COL6A5: variants seen among roughly 807,000 people sequenced by gnomAD.
The protein encoded by COL6A5 is collagen alpha-5(VI) chain.
COL6A5 carries 48 observed loss-of-function variants against 65.6 expected under a neutral mutation model. That is an observed-to-expected ratio of 0.73 (90% CI 0.58 to 0.93). The LOEUF is 0.93. COL6A5 is among the 40% of genes least tolerant of loss of function. The probability of loss-of-function intolerance (pLI) is 0.00; values close to 1 mark genes in which losing one functional copy is unlikely to be tolerated. For missense variants in COL6A5, 914 were observed against 928.3 expected, an observed-to-expected ratio of 0.98 and a Z score of 0.20; for synonymous variants, 291 against 322.8, an observed-to-expected ratio of 0.90 and a Z score of 1.05.
chr3:130,385,410 C>T (rs1936153393), intron 5 of COL6A5, 46 bp downstream of exon 5: 3 of 1,505,438 alleles, frequency 2.0e-6, no homozygotes, highest in Admixed American at 2.2e-5. Flanking sequence ...TCATCAATTG[C>T]TTTAGGCAGA....
At chr3:130,385,072 A>G in exon 5 of COL6A5, 1 of 1,551,010 alleles carries the variant, frequency 6.4e-7, no homozygotes, top group South Asian at 1.2e-5. Flanking sequence ...ATACTGGGAA[A>G]GCTCTGGATT....
chr3:130,449,885 A>G (rs1709393360), intron 4 of COL6A5, among the ~76,000 whole-genome samples: 1 of 152,166 alleles, frequency 6.6e-6, no homozygotes, highest in Non-Finnish European at 1.5e-5. Flanking sequence ...ATGAATGGTG[A>G]TTCCTTTAGC....
At chr3:130,413,371 G>T (rs974610855) in intron 20 of COL6A5, among the ~76,000 whole-genome samples, 174 bp from the exon 21 acceptor site, 4 of 151,838 alleles carry the variant, frequency 2.6e-5, no homozygotes, top group Non-Finnish European at 5.9e-5. Context: ...CCAAATGTTA[G>T]TCTCTAATTA....
exon 9 of COL6A5, chr3:130,397,656 C>T (rs1465853256): frequency 1.9e-6 from 3 of 1,551,546 alleles, no homozygotes; most frequent in Non-Finnish European, 2.6e-6. Flanking sequence ...TCCAGGGCCA[C>T]CCCCAGCTGG....
At chr3:130,477,296 A>G (rs1710123340) in intron 7 of COL6A5, 1 of 458,208 alleles carries the variant, frequency 2.2e-6, no homozygotes, top group African/African-American at 2.0e-5. Context: ...TCTAAGTTTG[A>G]TCATCTATTT....
chr3:130,410,365 T>C (rs1184959873), intron 19 of COL6A5, 106 bp from the exon 20 acceptor site: 2 of 797,690 alleles, frequency 2.5e-6, no homozygotes, highest in Non-Finnish European at 4.2e-6. Flanking sequence ...CAGCATGACA[T>C]GTTTATTCTG....
exon 23 of COL6A5, chr3:130,415,672 G>A: frequency 1.3e-6 from 2 of 1,549,020 alleles, no homozygotes; most frequent in Non-Finnish European, 1.7e-6. Context: ...TGGCAGAAAA[G>A]GAGAAAAAGG....
intron 17 of COL6A5, among the ~76,000 whole-genome samples, chr3:130,408,805 G>C (rs1221712783): frequency 6.6e-6 from 1 of 152,128 alleles, no homozygotes; most frequent in Admixed American, 6.5e-5. Flanking sequence ...AAGAAACTAC[G>C]TTGAAATATT....
exon 7 of COL6A5, chr3:130,391,464 A>T (rs758629312): frequency 1.9e-6 from 3 of 1,551,732 alleles, no homozygotes; most frequent in Non-Finnish European, 2.6e-6. Flanking sequence ...AAGCACGCAA[A>T]TGCCCTGTTT....
At chr3:130,410,288 G>T (rs1167665733) in intron 19 of COL6A5, among the ~76,000 whole-genome samples, 183 bp from the exon 20 acceptor site, 2 of 151,926 alleles carry the variant, frequency 1.3e-5, no homozygotes, top group East Asian at 3.9e-4. Flanking sequence ...GGAAAATGTA[G>T]CAGTGAATGT....
chr3:130,403,557 G>A (rs961341846), intron 12 of COL6A5, 52 bp from the exon 13 acceptor site: 4 of 1,369,622 alleles, frequency 2.9e-6, no homozygotes, highest in Non-Finnish European at 3.9e-6. Context: ...TCACAAGTTT[G>A]ACTTTATTGG....
At chr3:130,441,749 G>A (rs973329392) in intron 3 of COL6A5, among the ~76,000 whole-genome samples, 1 of 152,028 alleles carries the variant, frequency 6.6e-6, no homozygotes, top group Non-Finnish European at 1.5e-5. Flanking sequence ...TAGAGGTCAG[G>A]GATATTGCTA....
chr3:130,377,415 A>G (rs1935826160), intron 3 of COL6A5, among the ~76,000 whole-genome samples: 1 of 152,252 alleles, frequency 6.6e-6, no homozygotes, highest in Non-Finnish European at 1.5e-5. Context: ...TGAGACTCAC[A>G]ATAAATATTC....
Position 130,371,819 on chromosome 3 carries a change from CAT to C in COL6A5, c.-28-1788_-28-1787del, listed in dbSNP as rs143911985. Among the ~76,000 whole-genome samples, 918 of 152,210 alleles carry C rather than the reference CAT, an allele frequency of 6.0e-3. 3 individuals carry two copies. The highest frequency in any genetic ancestry group is 0.021 in the African/African-American group (889 of 41,526). ...AGGAACAAAATAAAACAAAAAACCT[CAT>C]ATAAATTGGACTTCATCAAATTTAA... On this transcript the variant is annotated intron_variant and NMD_transcript_variant, in intron 1 of 41. Coordinates refer to the COL6A5 transcript ENST00000312481.
chr3:130,471,636 G>T, intron 7 of COL6A5, 46 bp from the exon 40 acceptor site: 1 of 1,507,756 alleles, frequency 6.6e-7, no homozygotes, highest in South Asian at 1.3e-5. Context: ...AATCTTGCAG[G>T]GGACTTGGCT....
intron 7 of COL6A5, chr3:130,471,841 T>C (rs1418301019): frequency 6.5e-7 from 1 of 1,533,142 alleles, no homozygotes; most frequent in East Asian, 2.5e-5. Context: ...TCTTTTCAAC[T>C]GAGAAACTGG....
intron 7 of COL6A5, among the ~76,000 whole-genome samples, chr3:130,472,953 A>G (rs1345806929): frequency 6.7e-6 from 1 of 149,276 alleles, no homozygotes; most frequent in Non-Finnish European, 1.5e-5. Flanking sequence ...ATAATTGTAG[A>G]TATATCTATT....
At chr3:130,442,194 A>G (rs1709199130) in intron 3 of COL6A5, among the ~76,000 whole-genome samples, 1 of 152,162 alleles carries the variant, frequency 6.6e-6, no homozygotes, top group African/African-American at 2.4e-5. Context: ...CTATTAGAGC[A>G]TTTTGTTTTA....
At chr3:130,404,540 A>C (rs1936921707) in intron 13 of COL6A5, among the ~76,000 whole-genome samples, 1 of 152,170 alleles carries the variant, frequency 6.6e-6, no homozygotes, top group Non-Finnish European at 1.5e-5. Flanking sequence ...CAAAATGACC[A>C]CTAAGGGGGG....
Sources: gnomAD v4.1 joint callset for allele counts (sites outside exome capture counted in the v4.1 genomes callset) on GRCh38, gnomAD v4.1.1 for gene constraint, MANE v1.5 for transcripts, NCBI Gene and HGNC (gene_info 2026-07-23, HGNC 2026-07-21) for gene names.